PCDH15: variants seen among roughly 807,000 people sequenced by gnomAD.
The protein encoded by PCDH15 is protocadherin-15.
In PCDH15, 129 loss-of-function variants were observed where a neutral mutation model predicts 178.5. The ratio of observed to expected loss-of-function variants is 0.72; its 90% CI spans 0.63 to 0.84. The LOEUF (loss-of-function observed/expected upper bound fraction) is 0.84, where lower values mean the gene tolerates loss of function less well. PCDH15 is among the 40% of genes least tolerant of loss of function. PCDH15 has a pLI of 0.00. For synonymous variants in PCDH15, 800 were observed against 732.0 expected (o/e 1.09, Z -1.50); for missense variants, 2,230 against 2,099.9 (o/e 1.06, Z -1.21).
chr10:55,621,184 C>A (rs915953096), intron 2 of PCDH15, among the ~76,000 whole-genome samples: 2 of 152,058 alleles, frequency 1.3e-5, no homozygotes. Flanking sequence ...TAGAATTTAA[C>A]TTATATGTTT....
At chr10:55,614,862 T>C (rs1386740392) in intron 2 of PCDH15, among the ~76,000 whole-genome samples, 1 of 152,136 alleles carries the variant, frequency 6.6e-6, no homozygotes, top group African/African-American at 2.4e-5. Flanking sequence ...CGTAGGAGGG[T>C]GACAGTTTAC....
chr10:55,501,947 A>G (rs1840665808), intron 2 of PCDH15, among the ~76,000 whole-genome samples: 1 of 151,764 alleles, frequency 6.6e-6, no homozygotes, highest in African/African-American at 2.4e-5. Flanking sequence ...ATATAGCCAA[A>G]TTTTTAAAAA....
At chr10:54,746,521 C>A (rs1350614438) in intron 1 of PCDH15, among the ~76,000 whole-genome samples, 1 of 152,072 alleles carries the variant, frequency 6.6e-6, no homozygotes, top group African/African-American at 2.4e-5. Context: ...GTGATTACCC[C>A]ATTTACCCTG....
At chr10:55,495,312 C>A (rs1840507456) in intron 2 of PCDH15, among the ~76,000 whole-genome samples, 1 of 151,644 alleles carries the variant, frequency 6.6e-6, no homozygotes, top group African/African-American at 2.4e-5. Context: ...TTAACATTAA[C>A]TAAGTCAAAA....
chr10:53,834,936 T>C (rs1321649710), intron 29 of PCDH15, among the ~76,000 whole-genome samples: 2 of 152,174 alleles, frequency 1.3e-5, no homozygotes, highest in Non-Finnish European at 2.9e-5. Flanking sequence ...CAACTGTCTA[T>C]TTCCTTTGTA....
At chr10:53,852,315 A>G (rs2078437600) in intron 28 of PCDH15, among the ~76,000 whole-genome samples, 1 of 152,142 alleles carries the variant, frequency 6.6e-6, no homozygotes, top group Non-Finnish European at 1.5e-5. Context: ...CAAGCCTTAC[A>G]AAGAGGTGAA....
chr10:54,887,659 T>G (rs958345590), intron 3 of PCDH15, among the ~76,000 whole-genome samples: 8 of 152,236 alleles, frequency 5.3e-5, no homozygotes, highest in African/African-American at 1.7e-4. Context: ...AAATGCATTT[T>G]TTTGAAAATT....
intron 2 of PCDH15, among the ~76,000 whole-genome samples, chr10:55,416,271 T>C (rs2132040034): frequency 6.6e-6 from 1 of 151,882 alleles, no homozygotes; most frequent in Admixed American, 6.6e-5. Flanking sequence ...AGAAAATACC[T>C]ACATTCTCCT....
chr10:54,447,364 G>A (rs948924923), intron 3 of PCDH15, among the ~76,000 whole-genome samples: 6 of 151,530 alleles, frequency 4.0e-5, no homozygotes, highest in Non-Finnish European at 8.9e-5. Context: ...GGAATTTTGT[G>A]TCTTTTGACC....
intron 1 of PCDH15, among the ~76,000 whole-genome samples, chr10:54,767,876 G>A (rs1189091716): frequency 6.6e-6 from 1 of 152,082 alleles, no homozygotes; most frequent in African/African-American, 2.4e-5. Context: ...GTAACATAGT[G>A]TCCTGGTGCC....
chr10:54,778,171 C>T (rs1387577854), intron 1 of PCDH15, among the ~76,000 whole-genome samples: 2 of 152,172 alleles, frequency 1.3e-5, no homozygotes, highest in Non-Finnish European at 2.9e-5. Flanking sequence ...ATGTTGCTAA[C>T]ACAAATGTTA....
At chr10:54,313,247 A>T (rs912818839) in intron 8 of PCDH15, among the ~76,000 whole-genome samples, 2 of 152,046 alleles carry the variant, frequency 1.3e-5, no homozygotes, top group African/African-American at 4.8e-5. Context: ...GAGCATAAAA[A>T]ATTTCCTGAC....
intron 1 of PCDH15, among the ~76,000 whole-genome samples, chr10:54,680,229 G>T (rs1228043523): frequency 6.6e-6 from 1 of 152,068 alleles, no homozygotes; most frequent in Non-Finnish European, 1.5e-5. Flanking sequence ...GAAATGAAAA[G>T]AACAATAATA....
intron 10 of PCDH15, among the ~76,000 whole-genome samples, chr10:54,199,564 C>CAATAATAAT (rs1376777913): frequency 0.035 from 2,748 of 79,182 alleles, 73 homozygotes; most frequent in African/African-American, 0.099. Flanking sequence ...TAAACAACAA[C>CAATAATAAT]AACAACAATA....
chr10:55,417,155 C>T (rs2132040906), intron 2 of PCDH15, among the ~76,000 whole-genome samples: 1 of 151,924 alleles, frequency 6.6e-6, no homozygotes, highest in Middle Eastern at 3.4e-3. Flanking sequence ...CCATAAATAG[C>T]TTTATTGGCA....
chr10:54,885,103 C>G (rs183451294), intron 3 of PCDH15, among the ~76,000 whole-genome samples: 13 of 151,802 alleles, frequency 8.6e-5, no homozygotes, highest in African/African-American at 2.7e-4. Context: ...TCCCAGCAAC[C>G]GATACAATAA....
At chr10:55,388,061 T>C (rs1210926132) in intron 2 of PCDH15, among the ~76,000 whole-genome samples, 1 of 152,084 alleles carries the variant, frequency 6.6e-6, no homozygotes, top group Non-Finnish European at 1.5e-5. Context: ...TTGTGTCTTC[T>C]TCCCCGTCAA....
chr10:55,515,820 C>T (rs1230183582), intron 2 of PCDH15, among the ~76,000 whole-genome samples: 4 of 152,126 alleles, frequency 2.6e-5, no homozygotes, highest in African/African-American at 9.6e-5. Context: ...TGATTGTTTA[C>T]ATTCAAGCCT....
chr10:55,486,271 C>A (rs1840296558), intron 2 of PCDH15, among the ~76,000 whole-genome samples: 1 of 151,486 alleles, frequency 6.6e-6, no homozygotes, highest in Non-Finnish European at 1.5e-5. Flanking sequence ...ATGAAGGAAA[C>A]AAGAAATAAA....
Sources: gnomAD v4.1 joint callset for allele counts (sites outside exome capture counted in the v4.1 genomes callset) on GRCh38, gnomAD v4.1.1 for gene constraint, MANE v1.5 for transcripts, NCBI Gene and HGNC (gene_info 2026-07-23, HGNC 2026-07-21) for gene names.